PRKN: variants seen among roughly 807,000 people sequenced by gnomAD.
PRKN encodes the protein E3 ubiquitin-protein ligase parkin.
Under a neutral mutation model 59.5 loss-of-function variants are expected in PRKN, and 56 were observed. The observed-to-expected ratio is 0.94, with a 90% confidence interval of 0.76 to 1.18. The LOEUF is 1.18. Among genes scored for constraint, PRKN ranks in the 50% most tolerant of loss-of-function variants. The pLI, the probability that PRKN is intolerant of heterozygous loss-of-function variation, is 0.00. For synonymous variants in PRKN, 250 were observed against 222.1 expected, an observed-to-expected ratio of 1.13 and a Z score of -1.12; for missense variants, 657 against 596.4, an observed-to-expected ratio of 1.10 and a Z score of -1.06.
intron 1 of PRKN, among the ~76,000 whole-genome samples, chr6:162,572,334 TGAAAAAGAA>T (rs1213088500): frequency 5.3e-5 from 8 of 152,176 alleles, no homozygotes; most frequent in Non-Finnish European, 7.3e-5. Flanking sequence ...TCAGCACTCG[TGAAAAAGAA>T]TTTATGGCTA....
intron 1 of PRKN, among the ~76,000 whole-genome samples, chr6:162,532,264 C>T (rs1778544950): frequency 8.1e-6 from 1 of 122,922 alleles, no homozygotes; most frequent in South Asian, 2.6e-4. Flanking sequence ...ATCTTTACTG[C>T]TATTAGTGAA....
At chr6:161,572,347 G>C (rs987437223) in intron 7 of PRKN, among the ~76,000 whole-genome samples, 2 of 152,094 alleles carry the variant, frequency 1.3e-5, no homozygotes, top group African/African-American at 4.8e-5. Context: ...CGTGTAAACA[G>C]GTGATGCCAC....
At chr6:162,018,999 T>C (rs1484352799) in intron 5 of PRKN, among the ~76,000 whole-genome samples, 2 of 152,324 alleles carry the variant, frequency 1.3e-5, no homozygotes, top group Middle Eastern at 3.4e-3. Flanking sequence ...ATTCTTCTTA[T>C]GTAAAGCATC....
chr6:162,646,821 C>T (rs1893117), intron 1 of PRKN, among the ~76,000 whole-genome samples: 93,107 of 151,904 alleles, frequency 0.61, 29,255 homozygotes, highest in African/African-American at 0.75. Flanking sequence ...CTGTAACACA[C>T]GGTAAGTATT....
At chr6:162,622,795 G>A (rs2846520) in intron 1 of PRKN, among the ~76,000 whole-genome samples, 93,213 of 152,002 alleles carry the variant, frequency 0.61, 29,299 homozygotes, top group African/African-American at 0.75. Context: ...TTTCATGAGC[G>A]GAAAAGCAGG....
chr6:162,255,570 A>G (rs561769093), intron 3 of PRKN, among the ~76,000 whole-genome samples: 6 of 152,096 alleles, frequency 3.9e-5, no homozygotes, highest in Non-Finnish European at 5.9e-5. Context: ...TAAACTCCCA[A>G]TTGCTGCTGC....
intron 5 of PRKN, among the ~76,000 whole-genome samples, chr6:162,027,525 T>C (rs1582918944): frequency 6.6e-6 from 1 of 152,188 alleles, no homozygotes; most frequent in Non-Finnish European, 1.5e-5. Context: ...GCAATACCTT[T>C]ATCCTGTTAC....
chr6:161,798,331 G>A (rs1012086531), intron 6 of PRKN, among the ~76,000 whole-genome samples: 12 of 152,318 alleles, frequency 7.9e-5, no homozygotes, highest in African/African-American at 2.6e-4. Context: ...GTGGTTGAGC[G>A]AGGTTTGTAA....
intron 7 of PRKN, among the ~76,000 whole-genome samples, chr6:161,781,724 A>C (rs1790213788): frequency 6.6e-6 from 1 of 152,220 alleles, no homozygotes. Flanking sequence ...ATTTTTGAAA[A>C]TAATATATGT....
In PRKN at chr6:161,874,185, A is replaced by G. The variant is rs376327881; in HGVS notation, c.735-88277T>C. On this transcript the variant is annotated intron_variant, in intron 6 of 11. Transcript: ENST00000366898. Reference sequence around the variant, plus strand: ...ATATAATATATAATATATATTATATATAATATATAATATATATTATATGTA... The same window carrying G: ...ATATAATATATAATATATATTATATGTAATATATAATATATATTATATGTA... 7.2e-4 allele frequency among the ~76,000 whole-genome samples: 29 copies of G among 40,252 alleles called. 1 individual carries two copies. Among genetic ancestry groups the G allele is most frequent in the African/African-American group, 1.5e-3 (15 of 9,682 alleles). 26.4% of individuals were successfully genotyped at this position (40,252 alleles called of 152,430 possible). A position where few individuals can be genotyped will look rare whatever the true frequency, so the allele number is the denominator to read the frequency against.
At chr6:161,799,875 G>C (rs965183507) in intron 6 of PRKN, among the ~76,000 whole-genome samples, 1 of 152,172 alleles carries the variant, frequency 6.6e-6, no homozygotes, top group African/African-American at 2.4e-5. Flanking sequence ...GAAGGAGCAA[G>C]TGGAAAGGCA....
intron 4 of PRKN, among the ~76,000 whole-genome samples, chr6:162,111,266 C>A (rs1052667598): frequency 2.0e-5 from 3 of 152,020 alleles, no homozygotes; most frequent in African/African-American, 4.8e-5. Flanking sequence ...GAGATCGAGA[C>A]CATCCCGGCT....
At chr6:162,595,117 G>A (rs1020420879) in intron 1 of PRKN, among the ~76,000 whole-genome samples, 9 of 152,046 alleles carry the variant, frequency 5.9e-5, no homozygotes, top group African/African-American at 1.9e-4. Context: ...GAGCTTGCAG[G>A]GAGCTGAGAT....
At chr6:161,924,027 T>C (rs1480584947) in intron 6 of PRKN, among the ~76,000 whole-genome samples, 2 of 152,218 alleles carry the variant, frequency 1.3e-5, no homozygotes, top group Non-Finnish European at 2.9e-5. Context: ...GAATCCAGGC[T>C]CTGGCGCTTC....
chr6:161,361,389 A>C lies in PRKN; in HGVS notation c.1168-1184T>G, dbSNP rs1391548011. Among the ~76,000 whole-genome samples, 1 of 152,202 alleles carries C rather than the reference A, an allele frequency of 6.6e-6. No homozygotes were observed. ...ACATTTGAGACATCCTCATATCCCC[A>C]GTTTCTGGCATAGAATCTGGTACAC... is the stretch of plus-strand genomic sequence containing the variant. On this transcript the variant is annotated intron_variant, in intron 10 of 11. Transcript: ENST00000366898. This position sits in a 1 kb window ranked among gnomAD's most constrained non-coding sequence, Gnocchi z 5.2.
rs575242073 is a variant in PRKN, at chr6:161,996,575, A to T, written c.619-23158T>A. On this transcript the variant is annotated intron_variant, in intron 5 of 11. Coordinates refer to ENST00000366898, the MANE Select transcript of PRKN (RefSeq NM_004562.3). ...CCCAATTTTTAGCTCCTCTTAATCAAATTTACATGTAACTGGTATAAGTAA... is the reference window on the plus strand; with the variant it reads ...CCCAATTTTTAGCTCCTCTTAATCATATTTACATGTAACTGGTATAAGTAA... 2.0e-5 allele frequency among the ~76,000 whole-genome samples: 3 copies of T among 152,256 alleles called. No individual in the cohort carries two copies. The South Asian group carries it at 6.2e-4, about 32-fold the overall frequency.
At chr6:162,368,393 T>C (rs1043647705) in intron 2 of PRKN, among the ~76,000 whole-genome samples, 4 of 152,198 alleles carry the variant, frequency 2.6e-5, no homozygotes, top group Non-Finnish European at 5.9e-5. Context: ...TCCATGCTGT[T>C]GCCAAATGCC....
At chr6:161,583,222 T>C (rs1195194474) in intron 7 of PRKN, among the ~76,000 whole-genome samples, 2 of 152,214 alleles carry the variant, frequency 1.3e-5, no homozygotes, top group Non-Finnish European at 2.9e-5. Context: ...ATAGTTCCTT[T>C]AGATTCTCTT....
chr6:161,785,996 G>T, intron 6 of PRKN, 88 bp from the exon 7 acceptor site: 1 of 1,330,160 alleles, frequency 7.5e-7, no homozygotes, highest in Non-Finnish European at 1.1e-6. Context: ...TAATCCTGGA[G>T]GGTTGTGTAG....
Sources: allele counts gnomAD v4.1 joint callset (sites outside exome capture counted in the v4.1 genomes callset), GRCh38; gene constraint gnomAD v4.1.1; non-coding constraint Gnocchi (gnomAD v3.1); transcripts MANE v1.5; gene names NCBI Gene and HGNC (gene_info 2026-07-23, HGNC 2026-07-21).